SMG6: variants seen among roughly 807,000 people sequenced by gnomAD.
SMG6 encodes telomerase-binding protein EST1A.
A neutral mutation model predicts 142.2 loss-of-function variants in SMG6; 66 were observed. That is an observed-to-expected ratio of 0.46 (90% CI 0.38 to 0.57). SMG6 has a LOEUF of 0.57. Ranked by LOEUF, SMG6 falls within the 20% of genes least tolerant of loss-of-function variation. SMG6 has a pLI of 0.00. For synonymous variants in SMG6, 779 were observed against 702.4 expected, an observed-to-expected ratio of 1.11 and a Z score of -1.72; for missense variants, 1,793 against 1,832.0, an observed-to-expected ratio of 0.98 and a Z score of 0.39.
Position 2,071,085 on chromosome 17 carries a change from A to G in SMG6, c.3682-2154T>C, listed in dbSNP as rs2068086978. ...TTTCTGGGTGAGCAGGGACAGAACA[A>G]GCATGGCTTAGGGAGACGTGGGAGC... On this transcript the variant is annotated intron_variant, in intron 15 of 18. Transcript: ENST00000263073. This position sits in a 1 kb window ranked among gnomAD's most constrained non-coding sequence, Gnocchi z 5.6. Among the ~76,000 whole-genome samples the G allele has an allele frequency of 6.6e-6, 1 of 152,188 alleles. No homozygotes were observed. Among genetic ancestry groups the G allele is most frequent in the South Asian group, 2.1e-4 (1 of 4,830 alleles).
At chr17:2,115,264 G>A (rs1351248725) in intron 13 of SMG6, among the ~76,000 whole-genome samples, 1 of 151,962 alleles carries the variant, frequency 6.6e-6, no homozygotes, top group African/African-American at 2.4e-5. Flanking sequence ...GTCTGCACCT[G>A]AAAATCTTAA....
intron 8 of SMG6, among the ~76,000 whole-genome samples, chr17:2,272,083 T>G (rs2074552845): frequency 6.6e-6 from 1 of 152,220 alleles, no homozygotes; most frequent in Non-Finnish European, 1.5e-5. Context: ...GCCCCCTGAC[T>G]ACCTCCCAAG....
chr17:2,134,132 C>T (rs186347196), intron 13 of SMG6, among the ~76,000 whole-genome samples: 57 of 152,178 alleles, frequency 3.7e-4, no homozygotes, highest in African/African-American at 1.3e-3. Context: ...ATAAATCAGT[C>T]TAAGTCTTAA....
intron 6 of SMG6, among the ~76,000 whole-genome samples, chr17:2,288,639 G>C (rs559750043): frequency 2.5e-4 from 38 of 150,726 alleles, no homozygotes; most frequent in South Asian, 1.7e-3. Context: ...AAAAAAAAGT[G>C]GGTAAGATAG....
At chr17:2,290,790 TG>T (rs990091704) in intron 6 of SMG6, among the ~76,000 whole-genome samples, 3 of 151,964 alleles carry the variant, frequency 2.0e-5, no homozygotes, top group South Asian at 4.2e-4. Flanking sequence ...AAAAAAGTAG[TG>T]GGGGGGCCAA....
chr17:2,115,551 T>G (rs1328290593), intron 13 of SMG6, among the ~76,000 whole-genome samples: 1 of 152,156 alleles, frequency 6.6e-6, no homozygotes, highest in East Asian at 1.9e-4. Flanking sequence ...ACATATATAA[T>G]CATCTGACTT....
intron 13 of SMG6, among the ~76,000 whole-genome samples, chr17:2,106,791 G>A (rs1687461227): frequency 6.6e-6 from 1 of 151,530 alleles, no homozygotes; most frequent in African/African-American, 2.4e-5. Context: ...AAGAAAGAGT[G>A]AAAGAAATTC....
chr17:2,091,277 G>A (rs991371204), intron 13 of SMG6, among the ~76,000 whole-genome samples: 6 of 152,184 alleles, frequency 3.9e-5, no homozygotes, highest in Admixed American at 2.6e-4. Flanking sequence ...CACATTCCTA[G>A]GGGGAGGGGC....
At chr17:2,215,309 A>C (rs994746691) in intron 10 of SMG6, among the ~76,000 whole-genome samples, 1 of 152,218 alleles carries the variant, frequency 6.6e-6, no homozygotes, top group African/African-American at 2.4e-5. Context: ...CACTAAAAAT[A>C]CAGTCCCGGC....
intron 10 of SMG6, among the ~76,000 whole-genome samples, chr17:2,222,068 G>C: frequency 6.6e-6 from 1 of 152,256 alleles, no homozygotes. Flanking sequence ...TTGATATAAC[G>C]CATGTTTACT....
chr17:2,264,859 G>A (rs866220711), intron 8 of SMG6, among the ~76,000 whole-genome samples: 13 of 150,640 alleles, frequency 8.6e-5, no homozygotes, highest in East Asian at 3.9e-4. Flanking sequence ...CTGAGATCGC[G>A]CCACTGCATT....
At chr17:2,173,139 G>A (rs1261683907) in intron 12 of SMG6, 1 of 434,594 alleles carries the variant, frequency 2.3e-6, no homozygotes, top group African/African-American at 2.0e-5. Flanking sequence ...GCCTAATGCA[G>A]GGTCCTGTCA....
At chr17:2,106,863 G>A (rs1056014316) in intron 13 of SMG6, among the ~76,000 whole-genome samples, 12 of 147,478 alleles carry the variant, frequency 8.1e-5, no homozygotes, top group East Asian at 4.0e-4. Context: ...TCGGTTTGTC[G>A]CCCAGGCTGG....
At chr17:2,129,494 A>G (rs1199027455) in intron 13 of SMG6, among the ~76,000 whole-genome samples, 1 of 152,136 alleles carries the variant, frequency 6.6e-6, no homozygotes, top group East Asian at 1.9e-4. Context: ...GACAAGATAC[A>G]CTTATCACAA....
chr17:2,087,883 T>C, intron 13 of SMG6: 1 of 985,852 alleles, frequency 1.0e-6, no homozygotes, highest in Non-Finnish European at 1.2e-6. Context: ...TTAACCACCT[T>C]GTCGTTACAG....
chr17:2,108,579 C>T (rs561707227), intron 13 of SMG6, among the ~76,000 whole-genome samples: 12 of 152,110 alleles, frequency 7.9e-5, no homozygotes, highest in African/African-American at 2.7e-4. Context: ...TGTAGTGAGC[C>T]GAGATTGTGT....
chr17:2,285,293 T>C (rs190364883), intron 6 of SMG6, among the ~76,000 whole-genome samples: 2 of 152,170 alleles, frequency 1.3e-5, no homozygotes, highest in African/African-American at 4.8e-5. Flanking sequence ...CTGATTGGAA[T>C]TGGCAGAAAA....
intron 13 of SMG6, chr17:2,087,313 A>G: frequency 8.1e-7 from 1 of 1,232,658 alleles, no homozygotes; most frequent in Non-Finnish European, 1.0e-6. Context: ...GACAGTGGAA[A>G]TAAATGAGCA....
At chr17:2,079,557 A>C (rs1348160947) in intron 15 of SMG6, among the ~76,000 whole-genome samples, 1 of 151,272 alleles carries the variant, frequency 6.6e-6, no homozygotes, top group Non-Finnish European at 1.5e-5. Context: ...AATCACTTGA[A>C]CCTGGGAGGT....
Sources: gnomAD v4.1 joint callset for allele counts (sites outside exome capture counted in the v4.1 genomes callset) on GRCh38, gnomAD v4.1.1 for gene constraint, Gnocchi (gnomAD v3.1) non-coding constraint, MANE v1.5 for transcripts, NCBI Gene and HGNC (gene_info 2026-07-23, HGNC 2026-07-21) for gene names.